Variants in XXYLT1 observed in about 807,000 individuals in gnomAD.
The protein encoded by XXYLT1 is xyloside xylosyltransferase 1.
In XXYLT1, 20 loss-of-function variants were observed where a neutral mutation model predicts 28.9. The observed-to-expected ratio is 0.69, with a 90% CI of 0.49 to 1.00. The LOEUF is 1.00. XXYLT1 is among the 50% of genes least tolerant of loss of function. The pLI is 0.00. For synonymous variants in XXYLT1, 257 were observed against 253.8 expected (o/e 1.01, Z -0.12); for missense variants, 542 against 560.1 (o/e 0.97, Z 0.33).
intron 1 of XXYLT1, among the ~76,000 whole-genome samples, chr3:195,238,917 G>T (rs534862814): frequency 1.3e-5 from 2 of 152,170 alleles, no homozygotes; most frequent in African/African-American, 4.8e-5. Context: ...AGGCATACAC[G>T]CAGAGCAGGG....
At chr3:195,113,641 TTTTGC>T (rs1444289226) in intron 3 of XXYLT1, among the ~76,000 whole-genome samples, 1 of 152,290 alleles carries the variant, frequency 6.6e-6, no homozygotes, top group Non-Finnish European at 1.5e-5. Flanking sequence ...TTCATGAGCT[TTTTGC>T]TTTACTTTTT....
chr3:195,186,896 G>GTTT (rs756410119), intron 2 of XXYLT1, among the ~76,000 whole-genome samples: 46 of 137,148 alleles, frequency 3.4e-4, no homozygotes, highest in African/African-American at 1.1e-3. Flanking sequence ...ACTGGCTGAA[G>GTTT]TTTTTTTTTT....
At chr3:195,073,662 C>G (rs1304734805) in intron 3 of XXYLT1, among the ~76,000 whole-genome samples, 1 of 152,172 alleles carries the variant, frequency 6.6e-6, no homozygotes. Flanking sequence ...CCCACGCAGA[C>G]AGTCCCTGGT....
chr3:195,246,236 C>G (rs78628362), intron 1 of XXYLT1, among the ~76,000 whole-genome samples: 2,034 of 152,332 alleles, frequency 0.013, 38 homozygotes, highest in Middle Eastern at 0.054. Context: ...AATCAAGCAT[C>G]GGTCCCCAGG....
chr3:195,243,428 T>C (rs1202351633), intron 1 of XXYLT1, among the ~76,000 whole-genome samples: 1 of 152,116 alleles, frequency 6.6e-6, no homozygotes, highest in Non-Finnish European at 1.5e-5. Context: ...AACCTTTACC[T>C]TAACTGTCTG....
chr3:195,137,975 G>A (rs757400299), intron 3 of XXYLT1, among the ~76,000 whole-genome samples: 7 of 152,172 alleles, frequency 4.6e-5, no homozygotes, highest in South Asian at 2.1e-4. Flanking sequence ...GGAGGTTCTC[G>A]TTTTATAGCC....
At chr3:195,197,257 C>A (rs150088481) in intron 2 of XXYLT1, among the ~76,000 whole-genome samples, 2 of 152,102 alleles carry the variant, frequency 1.3e-5, no homozygotes, top group African/African-American at 4.8e-5. Flanking sequence ...GCCAACAAGG[C>A]GAAACCTCGT....
rs1004201022 is a variant in XXYLT1 at position 195,129,381 on chromosome 3, G to C, written c.785+27068C>G. On this transcript the variant is annotated intron_variant, in intron 3 of 3. Coordinates refer to ENST00000310380, the MANE Select transcript of XXYLT1 (RefSeq NM_152531.5). This position sits in a 1 kb window ranked among gnomAD's most constrained non-coding sequence, Gnocchi z 4.4. ...TTTCATCACCTCAAAAAGAAATCTC[G>C]TACCCTTTAGCTATCGCTCCCCCAA... Among the ~76,000 whole-genome samples the C allele has an allele frequency of 1.3e-5, 2 of 152,092 alleles. No individual in the cohort carries two copies. The highest frequency in any genetic ancestry group is 6.6e-5 in the Admixed American group (1 of 15,266).
chr3:195,114,378 C>A lies in XXYLT1; in HGVS notation c.785+42071G>T, dbSNP rs114546756. On this transcript the variant is annotated intron_variant, in intron 3 of 3. Coordinates refer to ENST00000310380, the MANE Select transcript of XXYLT1 (RefSeq NM_152531.5). ...GCCTGGAGAGCCGGGAGACACGGAG[C>A]ATCACCTTCCACCTGCGTTGAGCTT... Among the ~76,000 whole-genome samples the A allele has an allele frequency of 7.0e-3, 1,060 of 152,320 alleles. 9 individuals carry two copies. Among genetic ancestry groups the A allele is most frequent in the African/African-American group, 0.024 (1,015 of 41,574 alleles).
rs79021836 is a variant in XXYLT1 at position 195,078,450 on chromosome 3, G to T, written c.786-8339C>A. Among the ~76,000 whole-genome samples, 11,003 of 152,022 alleles carry T rather than the reference G, an allele frequency of 0.072. 642 individuals carry two copies. The highest frequency in any genetic ancestry group is 0.3 in the East Asian group (1,531 of 5,106). On this transcript the variant is annotated intron_variant, in intron 3 of 3. Transcript: ENST00000310380. This position sits in a 1 kb window ranked among gnomAD's most constrained non-coding sequence, Gnocchi z 5.0. The stretch of plus-strand genomic sequence containing the variant: ...CACGGGCCTTCCAGCTAGTTCTGCA[G>T]GCCCACTGTGCCTCCTCCAGCCTCT...
chr3:195,151,383 T>C (rs532824083), intron 3 of XXYLT1, among the ~76,000 whole-genome samples: 7 of 151,682 alleles, frequency 4.6e-5, no homozygotes, highest in Non-Finnish European at 1.0e-4. Context: ...ACACAAAAAT[T>C]AGTCAGGAGT....
chr3:195,139,213 T>G (rs912604989), intron 3 of XXYLT1, among the ~76,000 whole-genome samples: 7 of 152,202 alleles, frequency 4.6e-5, no homozygotes, highest in Non-Finnish European at 8.8e-5. Context: ...GGCGGTCCCT[T>G]GGCTGCAAAG....
chr3:195,111,467 G>A (rs1391415931), intron 3 of XXYLT1, among the ~76,000 whole-genome samples: 1 of 152,134 alleles, frequency 6.6e-6, no homozygotes, highest in Non-Finnish European at 1.5e-5. Context: ...AGGAGGTGGC[G>A]GAGAGGGTCT....
chr3:195,259,417 C>A (rs1039124783), intron 1 of XXYLT1, among the ~76,000 whole-genome samples: 1 of 152,218 alleles, frequency 6.6e-6, no homozygotes, highest in South Asian at 2.1e-4. Context: ...CTTCCACAAC[C>A]CACACGACGG....
intron 3 of XXYLT1, chr3:195,094,594 G>A (rs115743766): frequency 0.017 from 2,544 of 154,032 alleles, 29 homozygotes; most frequent in Non-Finnish European, 0.024. Context: ...CCCCTCAGCG[G>A]GGATTCCCAG....
At chr3:195,204,267 C>G (rs1019200108) in intron 2 of XXYLT1, among the ~76,000 whole-genome samples, 1 of 151,598 alleles carries the variant, frequency 6.6e-6, no homozygotes, top group African/African-American at 2.4e-5. Flanking sequence ...CGCTTGAACC[C>G]AGGAGGCAGA....
At chr3:195,236,156 C>T (rs1724538168) in intron 1 of XXYLT1, among the ~76,000 whole-genome samples, 1 of 152,174 alleles carries the variant, frequency 6.6e-6, no homozygotes, top group South Asian at 2.1e-4. Flanking sequence ...GCAAAGACTG[C>T]CAGGCTTGTG....
chr3:195,267,472 A>C (rs996670990), intron 1 of XXYLT1, among the ~76,000 whole-genome samples: 5 of 152,234 alleles, frequency 3.3e-5, no homozygotes, highest in Non-Finnish European at 5.9e-5. Context: ...GTCATGCTAT[A>C]TACTCCAAAT....
intron 2 of XXYLT1, among the ~76,000 whole-genome samples, chr3:195,220,151 T>G (rs1234866197): frequency 6.6e-6 from 1 of 152,168 alleles, no homozygotes; most frequent in Non-Finnish European, 1.5e-5. Flanking sequence ...TTCTGTTGTT[T>G]GAGACAGAGT....
Sources: gnomAD v4.1 joint callset for allele counts (sites outside exome capture counted in the v4.1 genomes callset) on GRCh38, gnomAD v4.1.1 for gene constraint, Gnocchi (gnomAD v3.1) non-coding constraint, MANE v1.5 for transcripts, NCBI Gene and HGNC (gene_info 2026-07-23, HGNC 2026-07-21) for gene names.